The following HORMAD2 variants were observed in gnomAD, a reference collection of about 807,000 sequenced individuals.
HORMAD2 encodes HORMA domain-containing protein 2.
A neutral mutation model predicts 38.8 loss-of-function variants in HORMAD2; 45 were observed. That is an observed-to-expected ratio of 1.16 (90% CI 0.91 to 1.49). The LOEUF is 1.49. Among genes scored for constraint, HORMAD2 ranks in the 40% most tolerant of loss-of-function variants. HORMAD2 has a pLI of 0.00. For missense variants in HORMAD2, 338 were observed against 367.0 expected (o/e 0.92, Z 0.65); for synonymous variants, 126 against 122.8 (o/e 1.03, Z -0.17).
chr22:30,146,851 C>G (rs1226925446), intron 10 of HORMAD2, among the ~76,000 whole-genome samples: 1 of 152,034 alleles, frequency 6.6e-6, no homozygotes, highest in African/African-American at 2.4e-5. Context: ...ATGAATTTAT[C>G]AAGGTCACAG....
intron 10 of HORMAD2, among the ~76,000 whole-genome samples, chr22:30,157,697 C>T (rs1366663152): frequency 6.6e-6 from 1 of 152,016 alleles, no homozygotes; most frequent in Admixed American, 6.6e-5. Context: ...ATTTCTCTTC[C>T]ACTGTTGCAT....
downstream of HORMAD2, among the ~76,000 whole-genome samples, chr22:30,181,502 A>G (rs1926716459): frequency 6.6e-6 from 1 of 152,226 alleles, no homozygotes; most frequent in Admixed American, 6.5e-5. Flanking sequence ...ACGAAGCTTA[A>G]TATGCTGCCC....
At chr22:30,176,019 CA>C in intron 10 of HORMAD2, 43 bp from the exon 11 acceptor site, 1 of 1,314,102 alleles carries the variant, frequency 7.6e-7, no homozygotes. Flanking sequence ...GTGCAGATGT[CA>C]AAATCTCTGC....
chr22:30,078,432 C>A (rs1044862420), upstream of HORMAD2, among the ~76,000 whole-genome samples: 1 of 151,162 alleles, frequency 6.6e-6, no homozygotes, highest in African/African-American at 2.4e-5. Context: ...ATGGTGAAAC[C>A]CCATCTCTAC....
the HORMAD2 span, among the ~76,000 whole-genome samples, chr22:30,185,598 C>G: frequency 6.6e-6 from 1 of 152,166 alleles, no homozygotes; most frequent in Non-Finnish European, 1.5e-5. Flanking sequence ...TAAATAAACT[C>G]TAACATAGTT....
chr22:30,179,051 G>A (rs1377487081), downstream of HORMAD2, among the ~76,000 whole-genome samples: 1 of 152,142 alleles, frequency 6.6e-6, no homozygotes, highest in Non-Finnish European at 1.5e-5. Context: ...ATTCACATGA[G>A]TTCAGAGTTG....
downstream of HORMAD2, among the ~76,000 whole-genome samples, chr22:30,177,541 G>C (rs1926526932): frequency 6.6e-6 from 1 of 152,160 alleles, no homozygotes; most frequent in Admixed American, 6.5e-5. Context: ...GGAGGGGAAA[G>C]GTATTGGACT....
rs866290680 is a variant in HORMAD2 at position 30,139,266 on chromosome 22, A to C, written c.819+17052A>C. On this transcript the variant is annotated intron_variant, in intron 10 of 10. Transcript: ENST00000336726. Reference sequence around the variant, plus strand: ...TATATGAACTGTACTATATATATATATATATATATATATATATATATCCTC... The same window carrying C: ...TATATGAACTGTACTATATATATATCTATATATATATATATATATATCCTC... 5.8e-3 allele frequency among the ~76,000 whole-genome samples: 745 copies of C among 128,702 alleles called. 13 individuals are homozygous for C. Among genetic ancestry groups the C allele is most frequent in the African/African-American group, 0.019 (698 of 37,316 alleles). The allele number at this position is 128,702 out of a possible 152,430, so 84.4% of individuals were successfully genotyped here. A position where few individuals can be genotyped will look rare whatever the true frequency, so the allele number is the denominator to read the frequency against.
chr22:30,193,625 G>A, the HORMAD2 span, among the ~76,000 whole-genome samples: 1 of 152,180 alleles, frequency 6.6e-6, no homozygotes, highest in Non-Finnish European at 1.5e-5. Flanking sequence ...AGGACAGTGA[G>A]TGCATAGGCC....
chr22:30,089,355 C>CTTT (rs749436345), intron 1 of HORMAD2, among the ~76,000 whole-genome samples: 1 of 140,224 alleles, frequency 7.1e-6, no homozygotes, highest in Non-Finnish European at 1.6e-5. Flanking sequence ...GCTGCTGCTT[C>CTTT]TTTTTTTTTT....
intron 10 of HORMAD2, among the ~76,000 whole-genome samples, chr22:30,157,730 T>C (rs371317419): frequency 7.2e-5 from 11 of 152,314 alleles, no homozygotes; most frequent in South Asian, 2.1e-4. Context: ...TAGAAGTTTG[T>C]AACTGAGATT....
intron 1 of HORMAD2, among the ~76,000 whole-genome samples, chr22:30,090,552 A>G (rs1374435706): frequency 1.3e-5 from 2 of 152,166 alleles, no homozygotes; most frequent in Non-Finnish European, 2.9e-5. Flanking sequence ...TCTTTTGAAT[A>G]TATACCTAGA....
At chr22:30,187,102 G>A in the HORMAD2 span, among the ~76,000 whole-genome samples, 3 of 152,138 alleles carry the variant, frequency 2.0e-5, no homozygotes, top group Non-Finnish European at 2.9e-5. Context: ...TCGTAGAATG[G>A]CAAGTAGCAT....
chr22:30,161,082 C>G (rs1925412876), intron 10 of HORMAD2, among the ~76,000 whole-genome samples: 1 of 152,182 alleles, frequency 6.6e-6, no homozygotes, highest in Non-Finnish European at 1.5e-5. Flanking sequence ...TGTGGAGGAA[C>G]TTTACTGGGG....
the HORMAD2 span, among the ~76,000 whole-genome samples, chr22:30,190,892 A>G: frequency 6.6e-6 from 1 of 152,228 alleles, no homozygotes; most frequent in Admixed American, 6.5e-5. Flanking sequence ...AAGAAAGAGC[A>G]AAGCTAATAG....
chr22:30,174,502 T>G (rs1030584836), intron 10 of HORMAD2, among the ~76,000 whole-genome samples: 13 of 152,326 alleles, frequency 8.5e-5, no homozygotes, highest in African/African-American at 2.9e-4. Flanking sequence ...GGCCTCACTA[T>G]TACCTTGAGA....
intron 5 of HORMAD2, among the ~76,000 whole-genome samples, chr22:30,110,888 T>TACA (rs1157248877): frequency 7.2e-5 from 11 of 151,798 alleles, no homozygotes; most frequent in Non-Finnish European, 1.6e-4. Flanking sequence ...GCCAGGGCAG[T>TACA]GGTTCACGCC....
the HORMAD2 span, among the ~76,000 whole-genome samples, chr22:30,194,268 C>G: frequency 6.6e-6 from 1 of 152,122 alleles, no homozygotes; most frequent in Non-Finnish European, 1.5e-5. Context: ...TGAAGCATGT[C>G]TAGGGAAAGG....
In HORMAD2 at chr22:30,122,018, TC is replaced by T. The variant is rs746479925; in HGVS notation, c.625del (p.Leu209CysfsTer22). The T allele has an allele frequency of 6.2e-7, 1 of 1,613,082 alleles. No homozygotes were observed. Among genetic ancestry groups the T allele is most frequent in the South Asian group, 1.1e-5 (1 of 90,896 alleles). On this transcript the variant is annotated frameshift_variant, in exon 10 of 11. Coordinates refer to ENST00000336726, the MANE Select transcript of HORMAD2 (RefSeq NM_152510.4). LOFTEE classifies it high-confidence loss of function. ...LGFKEGVNSH[F>X]LLFDKEPINV... ...TTTAAAGAAGGGGTAAATTCACACT[TC>T]CTGCTGTTTGACAAGGAGCCTATCA...
Sources: allele counts gnomAD v4.1 joint callset (sites outside exome capture counted in the v4.1 genomes callset), GRCh38; gene constraint gnomAD v4.1.1; transcripts MANE v1.5; gene names NCBI Gene and HGNC (gene_info 2026-07-23, HGNC 2026-07-21).